THRB: variants seen among roughly 807,000 people sequenced by gnomAD.
THRB encodes the protein thyroid hormone receptor beta, also known as nuclear receptor subfamily 1 group A member 2.
A neutral mutation model predicts 47.8 loss-of-function variants in THRB; 12 were observed. The ratio of observed to expected loss-of-function variants is 0.25; its 90% confidence interval spans 0.16 to 0.41. The LOEUF is 0.41. Ranked by LOEUF, THRB falls within the 10% of genes least tolerant of loss-of-function variation. The probability of loss-of-function intolerance (pLI) is 1.00; values close to 1 mark genes in which losing one functional copy is unlikely to be tolerated. For missense variants in THRB, 348 were observed against 589.2 expected, an observed-to-expected ratio of 0.59 and a Z score of 4.24; for synonymous variants, 218 against 212.2, an observed-to-expected ratio of 1.03 and a Z score of -0.24.
intron 2 of THRB, among the ~76,000 whole-genome samples, chr3:24,311,020 T>C (rs932127550): frequency 2.6e-5 from 4 of 152,156 alleles, no homozygotes; most frequent in Non-Finnish European, 5.9e-5. Context: ...AGCAGATATC[T>C]ATGGTCATCT....
At chr3:24,352,892 G>A (rs931098580) in intron 1 of THRB, among the ~76,000 whole-genome samples, 4 of 151,754 alleles carry the variant, frequency 2.6e-5, no homozygotes, top group Admixed American at 2.0e-4. Flanking sequence ...CCCACTTTAG[G>A]TATAGATTGC....
At chr3:24,397,199 T>TA (rs2067028806) in intron 1 of THRB, among the ~76,000 whole-genome samples, 1 of 152,094 alleles carries the variant, frequency 6.6e-6, no homozygotes, top group South Asian at 2.1e-4. Flanking sequence ...ACAAGTGGAA[T>TA]AAAACATTAT....
intron 6 of THRB, among the ~76,000 whole-genome samples, chr3:24,150,909 C>A (rs1239485105): frequency 1.3e-5 from 2 of 151,848 alleles, no homozygotes; most frequent in Admixed American, 1.3e-4. Context: ...AGAGTAGGTA[C>A]CTAAAGTTAT....
At chr3:24,447,596 T>A (rs185067410) in intron 1 of THRB, among the ~76,000 whole-genome samples, 28 of 152,308 alleles carry the variant, frequency 1.8e-4, no homozygotes, top group Non-Finnish European at 3.5e-4. Flanking sequence ...AGGGGCACCA[T>A]GACCCTCTTC....
At chr3:24,482,538 C>CCTCTCTCT (rs10575358) in intron 1 of THRB, among the ~76,000 whole-genome samples, 1,795 of 130,928 alleles carry the variant, frequency 0.014, 25 homozygotes, top group African/African-American at 0.038. Flanking sequence ...TTTCTGTCTC[C>CCTCTCTCT]CTCTCTCTCT....
intron 3 of THRB, among the ~76,000 whole-genome samples, chr3:24,282,115 A>T (rs1399742596): frequency 8.6e-6 from 1 of 116,794 alleles, no homozygotes; most frequent in Non-Finnish European, 1.7e-5. Flanking sequence ...TCTCCACCCC[A>T]AATCAACAGA....
At chr3:24,385,534 G>C (rs1315109535) in intron 1 of THRB, among the ~76,000 whole-genome samples, 3 of 151,956 alleles carry the variant, frequency 2.0e-5, no homozygotes, top group Admixed American at 6.6e-5. Flanking sequence ...TTTCCACCCA[G>C]CATAATCTGC....
chr3:24,129,811 C>G (rs987028628), intron 9 of THRB, among the ~76,000 whole-genome samples: 1 of 152,188 alleles, frequency 6.6e-6, no homozygotes, highest in African/African-American at 2.4e-5. Context: ...GCCCTGCACT[C>G]TAGGAGTGGT....
intron 1 of THRB, among the ~76,000 whole-genome samples, chr3:24,463,875 C>T (rs1054429884): frequency 3.9e-5 from 6 of 152,224 alleles, no homozygotes; most frequent in African/African-American, 1.4e-4. Context: ...ACTGATGACA[C>T]TGAAGCAGTA....
intron 3 of THRB, among the ~76,000 whole-genome samples, chr3:24,230,502 G>A (rs992249248): frequency 3.9e-5 from 6 of 152,154 alleles, no homozygotes; most frequent in African/African-American, 1.2e-4. Context: ...TGATTAGCTC[G>A]TCAAGGGTCT....
chr3:24,137,082 C>T (rs1327360934), intron 8 of THRB, among the ~76,000 whole-genome samples: 1 of 152,190 alleles, frequency 6.6e-6, no homozygotes, highest in South Asian at 2.1e-4. Context: ...GACTATGAGT[C>T]ATATGGTATT....
At chr3:24,233,561 A>AAGAAAGAAAG (rs796563078) in intron 3 of THRB, among the ~76,000 whole-genome samples, 4,413 of 15,952 alleles carry the variant, frequency 0.28, 182 homozygotes, top group East Asian at 0.44. Flanking sequence ...AAGAAAAAGG[A>AAGAAAGAAAG]AGAAAGAAAG....
chr3:24,240,362 T>C, intron 3 of THRB, among the ~76,000 whole-genome samples: 1 of 152,106 alleles, frequency 6.6e-6, no homozygotes, highest in East Asian at 1.9e-4. Flanking sequence ...CCGCGTCAAA[T>C]GGGGAGGCTG....
chr3:24,287,748 C>T (rs1360490189), intron 3 of THRB, among the ~76,000 whole-genome samples: 1 of 152,152 alleles, frequency 6.6e-6, no homozygotes, highest in African/African-American at 2.4e-5. Flanking sequence ...GAAGGCAGAA[C>T]CTGATGTTGC....
chr3:24,264,795 CA>C (rs66808823), intron 3 of THRB, among the ~76,000 whole-genome samples: 39,590 of 148,376 alleles, frequency 0.27, 5,268 homozygotes, highest in South Asian at 0.38. Flanking sequence ...AATCTTGTTG[CA>C]AAAAAAAAAA....
intron 5 of THRB, among the ~76,000 whole-genome samples, chr3:24,178,935 T>C (rs1164872540): frequency 6.6e-6 from 1 of 152,244 alleles, no homozygotes; most frequent in Admixed American, 6.5e-5. Flanking sequence ...AAACATAACA[T>C]GTACATGATA....
chr3:24,311,560 C>T (rs896354995), intron 2 of THRB, among the ~76,000 whole-genome samples: 3 of 152,102 alleles, frequency 2.0e-5, no homozygotes, highest in Admixed American at 1.3e-4. Context: ...TTCCCTAAGC[C>T]CCTTTTTTAC....
chr3:24,235,356 G>A (rs1339865414), intron 3 of THRB, among the ~76,000 whole-genome samples: 2 of 152,068 alleles, frequency 1.3e-5, no homozygotes, highest in Non-Finnish European at 2.9e-5. Flanking sequence ...ATCTTTCCAC[G>A]TAGACCTGGT....
chr3:24,285,995 G>A (rs1162349583), intron 3 of THRB, among the ~76,000 whole-genome samples: 2 of 152,152 alleles, frequency 1.3e-5, no homozygotes, highest in African/African-American at 4.8e-5. Context: ...TTCATGATGG[G>A]ATTAGTGCCC....
Sources: gnomAD v4.1 joint callset for allele counts (sites outside exome capture counted in the v4.1 genomes callset) on GRCh38, gnomAD v4.1.1 for gene constraint, MANE v1.5 for transcripts, NCBI Gene and HGNC (gene_info 2026-07-23, HGNC 2026-07-21) for gene names.